Variants in CTNNA2 observed in about 807,000 individuals in gnomAD.
The protein encoded by CTNNA2 is catenin alpha 2, also known as catenin alpha-2.
Under a neutral mutation model 101.0 loss-of-function variants are expected in CTNNA2, and 42 were observed. The observed-to-expected ratio is 0.42, with a 90% confidence interval of 0.32 to 0.54. The LOEUF (loss-of-function observed/expected upper bound fraction) is 0.54, where lower values mean the gene tolerates loss of function less well. CTNNA2 is among the 20% of genes least tolerant of loss of function. The probability of loss-of-function intolerance (pLI) is 0.14; values close to 1 mark genes in which losing one functional copy is unlikely to be tolerated. For missense variants in CTNNA2, 871 were observed against 1,223.1 expected, an observed-to-expected ratio of 0.71 and a Z score of 4.29; for synonymous variants, 450 against 456.4, an observed-to-expected ratio of 0.99 and a Z score of 0.18.
chr2:80,417,719 G>A (rs1252565739), intron 8 of CTNNA2, among the ~76,000 whole-genome samples: 1 of 151,646 alleles, frequency 6.6e-6, no homozygotes, highest in Non-Finnish European at 1.5e-5. Context: ...TGAAATGGTA[G>A]GTTGCAGTTT....
At position 79,858,135 on chromosome 2, in the gene CTNNA2, G is replaced by A; in HGVS notation, c.421G>A (p.Ala141Thr). The change falls in exon 4 of 19, where the codon GCG (alanine) becomes ACG (threonine). Residue 141 changes from alanine (A) to threonine (T), a missense_variant. Around this residue, in one of 5 missense-constraint regions of CTNNA2, gnomAD observed 647 missense variants for 831.5 expected, o/e 0.78. Transcript: ENST00000402739. ...CGCGGTGACACGCTTACTCATCCTG[G>A]CGGACATGGCAGATGTCATGAGACT... is the stretch of plus-strand genomic sequence containing the variant. ...LSAVTRLLIL[A>T]DMADVMRLLS... The A allele has an allele frequency of 6.2e-7, 1 of 1,613,948 alleles. No homozygotes were observed. Among genetic ancestry groups the A allele is most frequent in the South Asian group, 1.1e-5 (1 of 91,076 alleles).
At chr2:79,480,452 T>C (rs912317380) in intron 4 of CTNNA2, among the ~76,000 whole-genome samples, 2 of 152,210 alleles carry the variant, frequency 1.3e-5, no homozygotes, top group Non-Finnish European at 2.9e-5. Flanking sequence ...AAGACTCAGA[T>C]CTTTCTTCAG....
intron 7 of CTNNA2, among the ~76,000 whole-genome samples, chr2:80,310,345 A>G (rs145239429): frequency 6.6e-6 from 1 of 152,356 alleles, no homozygotes; most frequent in African/African-American, 2.4e-5. Context: ...TTGGTACAGC[A>G]GGCAGTGTAG....
chr2:79,248,275 C>G (rs953825453), intron 2 of CTNNA2, among the ~76,000 whole-genome samples: 1 of 151,938 alleles, frequency 6.6e-6, no homozygotes, highest in Admixed American at 6.6e-5. Flanking sequence ...GTGAGCCACA[C>G]ATGTTATTTT....
At chr2:79,673,760 G>T (rs912546949) in intron 2 of CTNNA2, among the ~76,000 whole-genome samples, 4 of 152,064 alleles carry the variant, frequency 2.6e-5, no homozygotes, top group African/African-American at 9.7e-5. Flanking sequence ...TTACTTCTAT[G>T]ATCCTTTTTG....
At chr2:80,628,011 C>T (rs1294166959) in intron 18 of CTNNA2, among the ~76,000 whole-genome samples, 3 of 152,034 alleles carry the variant, frequency 2.0e-5, no homozygotes, top group Non-Finnish European at 2.9e-5. Context: ...CTCCCATTCA[C>T]AATTGCTACA....
chr2:79,859,890 G>T (rs1574153011), intron 4 of CTNNA2, among the ~76,000 whole-genome samples: 2 of 152,098 alleles, frequency 1.3e-5, no homozygotes, highest in Non-Finnish European at 2.9e-5. Context: ...TGTTAAAGTG[G>T]GGCTAATGGC....
At chr2:80,320,484 C>T (rs1316777619) in intron 7 of CTNNA2, among the ~76,000 whole-genome samples, 3 of 152,176 alleles carry the variant, frequency 2.0e-5, no homozygotes, top group Non-Finnish European at 2.9e-5. Flanking sequence ...GTCAGCTGCT[C>T]GCCTCATAGA....
chr2:80,619,743 G>A (rs1275235925), intron 18 of CTNNA2, among the ~76,000 whole-genome samples: 1 of 151,898 alleles, frequency 6.6e-6, no homozygotes, highest in African/African-American at 2.4e-5. Flanking sequence ...TTCTAATGCA[G>A]TGACTAAAAT....
intron 7 of CTNNA2, among the ~76,000 whole-genome samples, chr2:80,095,236 C>A (rs1357760096): frequency 6.6e-6 from 1 of 152,106 alleles, no homozygotes; most frequent in African/African-American, 2.4e-5. Flanking sequence ...TTGTCAAAGG[C>A]CTTTTCTGCA....
At chr2:79,517,438 T>C (rs1671866693) in intron 1 of CTNNA2, among the ~76,000 whole-genome samples, 1 of 152,188 alleles carries the variant, frequency 6.6e-6, no homozygotes, top group Admixed American at 6.5e-5. Flanking sequence ...TCCTGAATAT[T>C]ATCTTAAGAT....
intron 7 of CTNNA2, among the ~76,000 whole-genome samples, chr2:80,054,117 C>T (rs977395783): frequency 1.3e-5 from 2 of 152,186 alleles, no homozygotes; most frequent in Admixed American, 6.5e-5. Flanking sequence ...TCACTCTTTA[C>T]GTTGTATGCC....
At chr2:80,369,466 C>A (rs1675256485) in intron 7 of CTNNA2, among the ~76,000 whole-genome samples, 2 of 152,076 alleles carry the variant, frequency 1.3e-5, no homozygotes, top group African/African-American at 4.8e-5. Context: ...CTGCCTTATT[C>A]TTTGTAAAAG....
At chr2:79,671,921 A>G (rs561869727) in intron 2 of CTNNA2, among the ~76,000 whole-genome samples, 1 of 152,372 alleles carries the variant, frequency 6.6e-6, no homozygotes, top group Non-Finnish European at 1.5e-5. Flanking sequence ...CAATATCTAC[A>G]TGTATAGCGG....
At chr2:79,289,515 A>T (rs1675733364) in intron 2 of CTNNA2, among the ~76,000 whole-genome samples, 1 of 152,020 alleles carries the variant, frequency 6.6e-6, no homozygotes, top group Non-Finnish European at 1.5e-5. Flanking sequence ...TAATCCCAGC[A>T]CTTTGGGAGG....
chr2:79,845,117 A>G (rs954357502), intron 3 of CTNNA2, among the ~76,000 whole-genome samples: 2 of 149,826 alleles, frequency 1.3e-5, no homozygotes, highest in Non-Finnish European at 3.0e-5. Context: ...CTTTTATGAT[A>G]ACTGACTAAG....
At chr2:79,871,035 GT>G (rs1314915762) in intron 5 of CTNNA2, among the ~76,000 whole-genome samples, 1 of 152,144 alleles carries the variant, frequency 6.6e-6, no homozygotes, top group Admixed American at 6.5e-5. Context: ...CATCGAGTGG[GT>G]TTTTATTCTT....
chr2:79,709,162 G>A (rs532031945), intron 2 of CTNNA2, among the ~76,000 whole-genome samples: 1 of 152,210 alleles, frequency 6.6e-6, no homozygotes, highest in Non-Finnish European at 1.5e-5. Flanking sequence ...GTCTTGAATC[G>A]AGAAGGTTTT....
rs79797854 is a variant in CTNNA2, at chr2:79,717,933, G to A, written c.103-26454G>A. Among the ~76,000 whole-genome samples the A allele has an allele frequency of 0.01, 1,492 of 147,700 alleles. 63 individuals carry two copies. In the East Asian group the frequency reaches 0.13, roughly 13 times the overall value. On this transcript the variant is annotated intron_variant, in intron 2 of 18. Transcript: ENST00000402739. ...AGTCAGCAGAGTCGTTATCATTTTT[G>A]TAGAGCCTTGAAGTCCCAGATAGTT...
Sources: allele counts gnomAD v4.1 joint callset (sites outside exome capture counted in the v4.1 genomes callset), GRCh38; gene constraint gnomAD v4.1.1; regional missense constraint gnomAD v4.1.1; transcripts MANE v1.5; gene names NCBI Gene and HGNC (gene_info 2026-07-23, HGNC 2026-07-21).